The following SMC4 variants were observed in gnomAD, a reference collection of about 807,000 sequenced individuals.
SMC4 encodes structural maintenance of chromosomes protein 4.
In SMC4, 87 loss-of-function variants were observed where a neutral mutation model predicts 145.6. That is an observed-to-expected ratio of 0.60 (90% CI 0.50 to 0.71). SMC4 has a LOEUF of 0.71. Ranked by LOEUF, SMC4 falls within the 30% of genes least tolerant of loss-of-function variation. SMC4 has a pLI of 0.00. For missense variants in SMC4, 1,447 were observed against 1,537.1 expected (o/e 0.94, Z 0.98); for synonymous variants, 558 against 500.7 (o/e 1.11, Z -1.53).
Position 160,414,506 on chromosome 3 carries a change from GAT to G in SMC4, c.1263_1264del (p.Asp421GlufsTer5). ...AAAACTGGAGAAACAACTTCAAAAA[GAT>G]AAAGAAAAGGTAGGTGTTAGAAAAA... The part of the protein sequence containing the change: ...AKKLEKQLQK[D>X]KEKVEEFKSI... On this transcript the variant is annotated frameshift_variant, in exon 9 of 24. Transcript: ENST00000357388. LOFTEE classifies it high-confidence loss of function. 1 of 1,610,666 alleles carries G rather than the reference GAT, an allele frequency of 6.2e-7. No homozygotes were observed. The highest frequency in any genetic ancestry group is 1.1e-5 in the South Asian group (1 of 90,520).
At chr3:160,419,261 T>G in intron 11 of SMC4, 97 bp from the exon 12 acceptor site, 1 of 779,682 alleles carries the variant, frequency 1.3e-6, no homozygotes, top group Non-Finnish European at 1.9e-6. Context: ...GGTCTTTCTT[T>G]CTTTATTGTT....
At position 160,433,969 on chromosome 3, in the gene SMC4, C is replaced by A. The variant is rs75820811; in HGVS notation, c.*160C>A. The A allele has an allele frequency of 5.9e-3, 3,025 of 510,540 alleles. 76 individuals are homozygous for A. Among genetic ancestry groups the A allele is most frequent in the African/African-American group, 0.053 (2,620 of 49,288 alleles). The allele number at this position is 510,540 out of a possible 1,614,324, so 31.6% of individuals were successfully genotyped here. On this transcript the variant is annotated 3_prime_UTR_variant, in exon 24 of 24. Transcript: ENST00000357388. ...CATTTGTAAAGTCTAATAAAATATT[C>A]TCTATAATTGCTTCTAGATTACAAA...
intron 17 of SMC4, among the ~76,000 whole-genome samples, chr3:160,426,431 T>C (rs1244651857): frequency 1.3e-5 from 2 of 152,224 alleles, no homozygotes; most frequent in African/African-American, 4.8e-5. Flanking sequence ...GAATAGGTGA[T>C]TTTTGAGTCC....
chr3:160,411,703 T>A (rs1203980451), intron 5 of SMC4: 3 of 390,450 alleles, frequency 7.7e-6, no homozygotes, highest in Middle Eastern at 7.1e-4. Context: ...GAATATAAAT[T>A]CATGTTTCAT....
rs766907951 is a variant in SMC4, at chr3:160,414,492, A to G, written c.1247A>G (p.Lys416Arg). 55 of 1,611,262 alleles carry G rather than the reference A, an allele frequency of 3.4e-5. No individual in the cohort carries two copies. The highest frequency in any genetic ancestry group is 4.3e-5 in the Non-Finnish European group (51 of 1,179,316). Residue 416 changes from lysine (K) to arginine (R), a missense_variant, in exon 9 of 24, where the codon AAA becomes AGA. Physicochemically the swap from Lys to Arg is conservative, Grantham distance 26. Transcript: ENST00000357388. The part of the protein sequence containing the change: ...HATSKAKKLE[K>R]QLQKDKEKVE... ...ACGAGTAAAGCCAAAAAACTGGAGA[A>G]ACAACTTCAAAAAGATAAAGAAAAG...
chr3:160,430,602 C>G lies in SMC4; in HGVS notation c.2799C>G (p.Asn933Lys). ...AQVAIKTADRNLQKAQDSVLR... is the reference protein window; with the variant it reads ...AQVAIKTADRKLQKAQDSVLR... The stretch of plus-strand genomic sequence containing the variant: ...ATGCATCATTTTGCTTCTTTAGAAA[C>G]CTTCAAAAGGCACAAGACTCTGTCT... The change falls in exon 19 of 24, where the codon AAC becomes AAG. Residue 933 changes from asparagine to lysine, a missense_variant. Asn to Lys is a moderately conservative substitution (Grantham distance 94). Transcript: ENST00000357388. 1 of 1,575,426 alleles carries G rather than the reference C, an allele frequency of 6.3e-7. No individual in the cohort carries two copies. The highest frequency in any genetic ancestry group is 8.6e-7 in the Non-Finnish European group (1 of 1,164,310).
At chr3:160,420,716 T>A in intron 12 of SMC4, 24 bp from the exon 13 acceptor site, 2 of 1,604,762 alleles carry the variant, frequency 1.2e-6, no homozygotes. Context: ...CTAACTCTTT[T>A]TTCACCCCAC....
At chr3:160,412,550 G>A (rs1716125561) in intron 7 of SMC4, 97 bp downstream of exon 7, 3 of 1,413,434 alleles carry the variant, frequency 2.1e-6, no homozygotes, top group Non-Finnish European at 2.8e-6. Flanking sequence ...AGACTGAAGT[G>A]AAAAAAAATC....
In SMC4 at chr3:160,423,669, CTTGGT is replaced by C. The variant is rs1560008266; in HGVS notation, c.2245+23_2245+27del. ...CAGTCAGGTAATAGTGTTTTTGTTT[CTTGGT>C]TTGTTTTTTTTTCCCCCCACAGCAT... On this transcript the variant is annotated intron_variant, in intron 14 of 23. Coordinates refer to ENST00000357388, the MANE Select transcript of SMC4 (RefSeq NM_001002800.3). The C allele has an allele frequency of 6.3e-7, 1 of 1,598,250 alleles. No individual in the cohort carries two copies. The highest frequency in any genetic ancestry group is 1.7e-5 in the Admixed American group (1 of 58,026).
At chr3:160,413,664 G>C (rs756573286) in intron 8 of SMC4, 51 bp downstream of exon 8, 4 of 1,008,354 alleles carry the variant, frequency 4.0e-6, no homozygotes, top group Admixed American at 3.1e-5. Context: ...TGTATTACAT[G>C]TGTATTTATA....
At chr3:160,423,884 A>AAC in intron 15 of SMC4, 44 bp downstream of exon 15, 1 of 1,471,292 alleles carries the variant, frequency 6.8e-7, no homozygotes. Context: ...TTTTTTTTTA[A>AAC]ATAGCTTTAC....
intron 6 of SMC4, 67 bp from the exon 7 acceptor site, chr3:160,412,259 G>T: frequency 6.7e-7 from 1 of 1,495,808 alleles, no homozygotes; most frequent in Non-Finnish European, 9.1e-7. Context: ...TCTAATGTTT[G>T]CATATTTTAA....
Position 160,412,065 on chromosome 3 carries a change from A to G in SMC4, c.833A>G (p.Asn278Ser), listed in dbSNP as rs757400045. 1.9e-6 allele frequency: 3 copies of G among 1,613,302 alleles called. No homozygotes were observed. Among genetic ancestry groups the G allele is most frequent in the South Asian group, 2.2e-5 (2 of 91,060 alleles). Residue 278 changes from asparagine (N) to serine (S), a missense_variant, in exon 6 of 24, where the codon AAT becomes AGT. Coordinates refer to ENST00000357388, the MANE Select transcript of SMC4 (RefSeq NM_001002800.3). ...KVLCRRVEIL[N>S]EHRGEKLNRV... Reference sequence around the variant, plus strand: ...TTGTGTCGGAGAGTTGAAATATTAAATGAACACAGAGGAGAGAAGGTGAAT... The same window carrying G: ...TTGTGTCGGAGAGTTGAAATATTAAGTGAACACAGAGGAGAGAAGGTGAAT...
rs1195470469 is a variant in SMC4 at position 160,432,357 on chromosome 3, T to C, written c.3372T>C (p.Tyr1124=). ...AAAGAGACAGTTTTAGACAGGCATA[T>C]GAAGATCTTCGGAAACAAAGGCTTA... ...TYERDSFRQA[Y]EDLRKQRLNE... The change falls in exon 22 of 24, where the codon TAT becomes TAC. Residue 1124 remains tyrosine (Y), a synonymous_variant. Transcript: ENST00000357388. 6.2e-7 allele frequency: 1 copy of C among 1,614,064 alleles called. No individual in the cohort carries two copies. The highest frequency in any genetic ancestry group is 8.5e-7 in the Non-Finnish European group (1 of 1,179,964).
rs1431461458 is a variant in SMC4 at position 160,423,765 on chromosome 3, A to G, written c.2250A>G (p.Thr750=). ...LQGQIIEQSG[T]MTGGGSKVMK... is the part of the protein sequence containing the mutation. ...CTTCTCTCCCCTGTTTTCCAGGTAC[A>G]ATGACTGGTGGTGGAAGCAAAGTAA... Residue 750 remains threonine (T), a synonymous_variant, in exon 15 of 24, where the codon ACA becomes ACG. Coordinates refer to ENST00000357388, the MANE Select transcript of SMC4 (RefSeq NM_001002800.3). The G allele has an allele frequency of 6.2e-7, 1 of 1,613,518 alleles. No individual in the cohort carries two copies. Among genetic ancestry groups the G allele is most frequent in the African/African-American group, 1.3e-5 (1 of 74,886 alleles).
rs1345676646 is a variant in SMC4 at position 160,421,888 on chromosome 3, T to C, written c.2019+987T>C. Among the ~76,000 whole-genome samples, 5 of 152,222 alleles carry C rather than the reference T, an allele frequency of 3.3e-5. No individual in the cohort carries two copies. In the East Asian group the frequency reaches 9.6e-4, roughly 29 times the overall value. ...CCCATAGACAGTAACAGTCGCTCCC[T>C]ATACCCCTTCACCCCCTCCGTAACA... On this transcript the variant is annotated intron_variant, in intron 13 of 23. Coordinates refer to ENST00000357388, the MANE Select transcript of SMC4 (RefSeq NM_001002800.3).
intron 13 of SMC4, 75 bp downstream of exon 13, chr3:160,420,976 C>T (rs533889040): frequency 1.6e-6 from 2 of 1,281,630 alleles, no homozygotes; most frequent in African/African-American, 1.5e-5. Context: ...GTCACCCAGG[C>T]TGGAGTGCAG....
Position 160,417,875 on chromosome 3 carries a change from T to G in SMC4, c.1590T>G (p.Ala530=), listed in dbSNP as rs1447575842. 6.2e-7 allele frequency: 1 copy of G among 1,613,590 alleles called. No homozygotes were observed. Among genetic ancestry groups the G allele is most frequent in the East Asian group, 2.2e-5 (1 of 44,864 alleles). ...AGGCTAAGGAAGCTCTAATTGCAGC[T>G]TCTGAGACTCTCAAAGAAAGGAAAG... ...LTKAKEALIA[A]SETLKERKAA... Residue 530 remains alanine (A), a synonymous_variant, in exon 11 of 24, where the codon GCT becomes GCG. Coordinates refer to ENST00000357388, the MANE Select transcript of SMC4 (RefSeq NM_001002800.3).
At chr3:160,405,317 C>T (rs904836092) in intron 5 of SMC4, among the ~76,000 whole-genome samples, 29 of 102,408 alleles carry the variant, frequency 2.8e-4, no homozygotes, top group Non-Finnish European at 4.5e-4. Context: ...CAGAATTTTT[C>T]GGAAAAAAAA....
Sources: allele counts gnomAD v4.1 joint callset (sites outside exome capture counted in the v4.1 genomes callset), GRCh38; gene constraint gnomAD v4.1.1; transcripts MANE v1.5; gene names NCBI Gene and HGNC (gene_info 2026-07-23, HGNC 2026-07-21).